CAPN8: variants seen among roughly 807,000 people sequenced by gnomAD.
The protein encoded by CAPN8 is calpain 8, also known as calpain-8.
Under a neutral mutation model 80.9 loss-of-function variants are expected in CAPN8, and 87 were observed. The observed-to-expected ratio is 1.07, with a 90% CI of 0.90 to 1.28. The LOEUF is 1.28. CAPN8 is among the 50% of genes most tolerant of loss of function. The pLI is 0.00. For synonymous variants in CAPN8, 299 were observed against 273.8 expected, an observed-to-expected ratio of 1.09 and a Z score of -0.91; for missense variants, 757 against 702.0, an observed-to-expected ratio of 1.08 and a Z score of -0.89.
At chr1:223,643,955 A>AT (rs576430794) in intron 2 of CAPN8, among the ~76,000 whole-genome samples, 2 of 152,112 alleles carry the variant, frequency 1.3e-5, no homozygotes, top group Admixed American at 6.5e-5. Flanking sequence ...TTTAAAAAAA[A>AT]TTTTTTTAAT....
At position 223,551,019 on chromosome 1, in the gene CAPN8, T is replaced by C; in HGVS notation, c.1642-2A>G. 1 of 718,000 alleles carries C rather than the reference T, an allele frequency of 1.4e-6. No homozygotes were observed. Among genetic ancestry groups the C allele is most frequent in the Non-Finnish European group, 2.6e-6 (1 of 384,942 alleles). 44.5% of individuals were successfully genotyped at this position (718,000 alleles called of 1,614,324 possible). A position where few individuals can be genotyped will look rare whatever the true frequency, so the allele number is the denominator to read the frequency against. The stretch of plus-strand genomic sequence containing the variant: ...TGCATTGGCAGTAATCTCAGAATCC[T>C]AGAAAGAGGAACCCAAATGCAAATC... On this transcript the variant is annotated splice_acceptor_variant, in intron 14 of 20. Coordinates refer to ENST00000366872, the MANE Select transcript of CAPN8 (RefSeq NM_001143962.2). LOFTEE classifies it high-confidence loss of function.
chr1:223,638,864 G>T (rs553639194), intron 2 of CAPN8, among the ~76,000 whole-genome samples: 1 of 152,192 alleles, frequency 6.6e-6, no homozygotes, highest in Non-Finnish European at 1.5e-5. Flanking sequence ...CACCTTCTTT[G>T]AACCTACAAA....
At chr1:223,551,127 G>C (rs989213492) in intron 14 of CAPN8, 110 bp from the exon 15 acceptor site, 3 of 641,334 alleles carry the variant, frequency 4.7e-6, no homozygotes, top group Non-Finnish European at 5.6e-6. Flanking sequence ...CACTGGCCCT[G>C]TGAGGTTTAT....
intron 2 of CAPN8, among the ~76,000 whole-genome samples, chr1:223,652,424 A>G (rs1361916): frequency 0.98 from 149,946 of 152,290 alleles, 73,870 homozygotes; most frequent in East Asian, 1. Flanking sequence ...ACTCTGAAAA[A>G]CCAACAGAAC....
chr1:223,625,152 C>T (rs746255048), intron 6 of CAPN8, among the ~76,000 whole-genome samples: 43 of 152,212 alleles, frequency 2.8e-4, no homozygotes, highest in South Asian at 4.1e-4. Flanking sequence ...GTTTTTTCCT[C>T]GGGTTGGAGA....
chr1:223,635,028 G>A (rs1657877470), intron 2 of CAPN8, among the ~76,000 whole-genome samples: 1 of 152,220 alleles, frequency 6.6e-6, no homozygotes, highest in South Asian at 2.1e-4. Context: ...TCAGCAAGCT[G>A]AGAATAGTTG....
At chr1:223,620,691 G>A (rs1392305671) in intron 7 of CAPN8, among the ~76,000 whole-genome samples, 1 of 152,158 alleles carries the variant, frequency 6.6e-6, no homozygotes, top group Non-Finnish European at 1.5e-5. Flanking sequence ...TTATCCAGCA[G>A]TCTAGGGTGA....
At chr1:223,549,440 G>A (rs1177806286) in intron 15 of CAPN8, 58 bp from the exon 16 acceptor site, 6 of 1,549,516 alleles carry the variant, frequency 3.9e-6, no homozygotes, top group Non-Finnish European at 5.2e-6. Flanking sequence ...GTGAGGGAAA[G>A]AACCTCCACG....
At chr1:223,627,929 G>A in intron 4 of CAPN8, 80 bp downstream of exon 4, 1 of 1,431,410 alleles carries the variant, frequency 7.0e-7, no homozygotes, top group Non-Finnish European at 9.3e-7. Context: ...GTTTGGGGTG[G>A]GGAGGCAGAC....
intron 2 of CAPN8, among the ~76,000 whole-genome samples, chr1:223,638,523 T>C (rs1657968968): frequency 6.6e-6 from 1 of 152,136 alleles, no homozygotes; most frequent in South Asian, 2.1e-4. Flanking sequence ...TAAGCCAGCT[T>C]CTCTCTCCCC....
At chr1:223,631,765 C>T (rs1181997696) in intron 2 of CAPN8, among the ~76,000 whole-genome samples, 3 of 152,182 alleles carry the variant, frequency 2.0e-5, no homozygotes, top group African/African-American at 7.2e-5. Flanking sequence ...TCACTTTCAC[C>T]AGCATCAGGC....
At position 223,618,412 on chromosome 1, in the gene CAPN8, T is replaced by G; in HGVS notation, c.1135+881A>C. 4.1e-6 allele frequency: 5 copies of G among 1,233,448 alleles called. No individual in the cohort carries two copies. In the South Asian group the frequency reaches 4.2e-5, roughly 10 times the overall value. The allele number at this position is 1,233,448 out of a possible 1,614,324, so 76.4% of individuals were successfully genotyped here. On this transcript the variant is annotated intron_variant, in intron 9 of 20. Coordinates refer to ENST00000366872, the MANE Select transcript of CAPN8 (RefSeq NM_001143962.2). The stretch of plus-strand genomic sequence containing the variant: ...ATCTCCACCAGGGTCTGAGTCCCCA[T>G]GACACGCATGCCCTGTGTGTGGCCA...
chr1:223,627,067 C>T lies in CAPN8; in HGVS notation c.651G>A (p.Leu217=), dbSNP rs1657607805. 1.3e-6 allele frequency: 2 copies of T among 1,552,010 alleles called. No homozygotes were observed. Among genetic ancestry groups the T allele is most frequent in the South Asian group, 2.4e-5 (2 of 84,068 alleles). ...FTGGISEFYD[L]KKPPANLYQI... is the part of the protein sequence containing the mutation. ...GATATAGATTGGCTGGTGGTTTCTT[C>T]AGGTCATAAAACTCAGAGATGCCAC... Residue 217 remains leucine (L), a synonymous_variant, in exon 5 of 21, where the codon CTG becomes CTA. Coordinates refer to ENST00000366872, the MANE Select transcript of CAPN8 (RefSeq NM_001143962.2).
intron 2 of CAPN8, among the ~76,000 whole-genome samples, chr1:223,646,870 G>A (rs530307710): frequency 2.4e-4 from 37 of 152,236 alleles, no homozygotes; most frequent in Middle Eastern, 6.8e-3. Context: ...AATAATTATC[G>A]CCTAGAACGC....
At chr1:223,611,891 G>A (rs1558339651) in intron 11 of CAPN8, among the ~76,000 whole-genome samples, 1 of 152,218 alleles carries the variant, frequency 6.6e-6, no homozygotes, top group African/African-American at 2.4e-5. Flanking sequence ...TGAGCAGGGT[G>A]GATGCACCTA....
chr1:223,626,883 G>T, intron 5 of CAPN8, 106 bp downstream of exon 5: 2 of 1,234,934 alleles, frequency 1.6e-6, no homozygotes, highest in Non-Finnish European at 2.2e-6. Flanking sequence ...ACTCTGCTCT[G>T]ACCCAAAGCC....
At chr1:223,549,603 A>G in intron 15 of CAPN8, 2 of 720,902 alleles carry the variant, frequency 2.8e-6, no homozygotes, top group Non-Finnish European at 2.5e-6. Context: ...ATCCAAGTAC[A>G]GCATCTGAAC....
intron 14 of CAPN8, 115 bp from the exon 15 acceptor site, chr1:223,551,132 G>A (rs540203637): frequency 4.8e-6 from 3 of 621,912 alleles, no homozygotes; most frequent in East Asian, 2.8e-5. Context: ...GCCCTGTGAG[G>A]TTTATTTGTT....
chr1:223,548,413 A>G (rs1656688199), intron 16 of CAPN8, among the ~76,000 whole-genome samples: 1 of 152,176 alleles, frequency 6.6e-6, no homozygotes, highest in African/African-American at 2.4e-5. Flanking sequence ...CCCATTTGCT[A>G]TAGACTGAGT....
Sources: allele counts gnomAD v4.1 joint callset (sites outside exome capture counted in the v4.1 genomes callset), GRCh38; gene constraint gnomAD v4.1.1; transcripts MANE v1.5; gene names NCBI Gene and HGNC (gene_info 2026-07-23, HGNC 2026-07-21).